MAN2B2: variants seen among roughly 807,000 people sequenced by gnomAD.
The protein encoded by MAN2B2 is epididymis-specific alpha-mannosidase.
MAN2B2 carries 106 observed loss-of-function variants against 117.1 expected under a neutral mutation model. The observed-to-expected ratio is 0.90, with a 90% CI of 0.77 to 1.06. MAN2B2 has a LOEUF of 1.06. MAN2B2 is among the 50% of genes least tolerant of loss of function. The probability of loss-of-function intolerance (pLI) is 0.00; values close to 1 mark genes in which losing one functional copy is unlikely to be tolerated. For missense variants in MAN2B2, 1,326 were observed against 1,381.4 expected (o/e 0.96, Z 0.64); for synonymous variants, 544 against 595.1 (o/e 0.91, Z 1.25).
chr4:6,614,185 AC>A (rs1711736773), intron 15 of MAN2B2, 32 bp from the exon 16 acceptor site: 1 of 1,606,066 alleles, frequency 6.2e-7, no homozygotes, highest in Non-Finnish European at 8.5e-7. Context: ...TGAGCCCCAA[AC>A]CCTCTCCTCA....
At position 6,597,252 on chromosome 4, in the gene MAN2B2, C is replaced by A; in HGVS notation, c.1197C>A (p.Asp399Glu). The A allele has an allele frequency of 6.2e-7, 1 of 1,600,140 alleles. No homozygotes were observed. Among genetic ancestry groups the A allele is most frequent in the Non-Finnish European group, 8.5e-7 (1 of 1,172,270 alleles). Reference protein sequence around the residue: ...YLWPAPRGHLDPTWALQQLQQ... With the variant: ...YLWPAPRGHLEPTWALQQLQQ... ...GGCCGGCCCCCCGTGGGCATCTGGACCCCACCTGGGCCCTGCAGCAGCTCC... is the reference window on the plus strand; with the variant it reads ...GGCCGGCCCCCCGTGGGCATCTGGAACCCACCTGGGCCCTGCAGCAGCTCC... Residue 399 changes from aspartate to glutamate, a missense_variant, in exon 8 of 19, where the codon GAC (aspartate) becomes GAA (glutamate). Physicochemically the swap from Asp to Glu is conservative, Grantham distance 45 (BLOSUM62 2). Coordinates refer to ENST00000285599, the MANE Select transcript of MAN2B2 (RefSeq NM_015274.3).
Position 6,622,391 on chromosome 4 carries a change from T to G in MAN2B2, c.*1106T>G, listed in dbSNP as rs1363053158. 1 of 152,158 alleles carries G rather than the reference T, an allele frequency of 6.6e-6. No homozygotes were observed. Among genetic ancestry groups the G allele is most frequent in the Non-Finnish European group, 1.5e-5 (1 of 68,030 alleles). The allele number at this position is 152,158 out of a possible 1,614,324, so 9.4% of individuals were successfully genotyped here. A position where few individuals can be genotyped will look rare whatever the true frequency, so the allele number is the denominator to read the frequency against. ...TACTAGAAACCAATGAATTAAAAAC[T>G]TTGGAAGATGAATTTTATGGTCTGT... On this transcript the variant is annotated 3_prime_UTR_variant, in exon 19 of 19. Transcript: ENST00000285599.
chr4:6,620,021 G>A lies in MAN2B2; in HGVS notation c.2909G>A (p.Arg970Lys), dbSNP rs1712088208. 6.2e-7 allele frequency: 1 copy of A among 1,613,152 alleles called. No individual in the cohort carries two copies. The change falls in exon 18 of 19, where the codon AGG becomes AAG. Residue 970 changes from arginine to lysine, a missense_variant. Transcript: ENST00000285599. ...AGCATGCTGCACCGCTGGAGCTGGAGGACGGGGCCTGGCCGCCACAGAGGT... is the reference window on the plus strand; with the variant it reads ...AGCATGCTGCACCGCTGGAGCTGGAAGACGGGGCCTGGCCGCCACAGAGGT... Reference protein sequence around the residue: ...DLSMLHRWSWRTGPGRHRGDT... With the variant: ...DLSMLHRWSWKTGPGRHRGDT...
At chr4:6,598,152 G>A in intron 8 of MAN2B2, 46 bp from the exon 9 acceptor site, 1 of 1,594,086 alleles carries the variant, frequency 6.3e-7, no homozygotes, top group Non-Finnish European at 8.6e-7. Context: ...GCTTTGCAGA[G>A]TCAGGTCCTG....
intron 3 of MAN2B2, 103 bp from the exon 4 acceptor site, chr4:6,586,893 G>A: frequency 9.6e-7 from 1 of 1,038,910 alleles, no homozygotes; most frequent in Non-Finnish European, 1.4e-6. Context: ...CCAGTAGCTG[G>A]CACTGCAACC....
chr4:6,597,313 C>T lies in MAN2B2; in HGVS notation c.1248+10C>T. 1 of 1,525,254 alleles carries T rather than the reference C, an allele frequency of 6.6e-7. No homozygotes were observed. Among genetic ancestry groups the T allele is most frequent in the South Asian group, 1.3e-5 (1 of 78,556 alleles). The allele number at this position is 1,525,254 out of a possible 1,614,324, so 94.5% of individuals were successfully genotyped here. On this transcript the variant is annotated intron_variant, in intron 8 of 18. Coordinates refer to ENST00000285599, the MANE Select transcript of MAN2B2 (RefSeq NM_015274.3). Reference sequence around the variant, plus strand: ...CTGGGCCGTCTCCGAGGTAACACCACATTTAGCCACAGTGGCAGGATTGGA... The same window carrying T: ...CTGGGCCGTCTCCGAGGTAACACCATATTTAGCCACAGTGGCAGGATTGGA...
At chr4:6,599,479 G>A (rs541752438) in intron 9 of MAN2B2, among the ~76,000 whole-genome samples, 4 of 151,898 alleles carry the variant, frequency 2.6e-5, no homozygotes, top group East Asian at 3.9e-4. Flanking sequence ...TGGCTAACAC[G>A]GTGAAAACCT....
rs1017247266 is a variant in MAN2B2 at position 6,609,143 on chromosome 4, C to A, written c.1851C>A (p.Phe617Leu). 3 of 1,614,172 alleles carry A rather than the reference C, an allele frequency of 1.9e-6. No individual in the cohort carries two copies. The East Asian group carries it at 6.7e-5, about 36-fold the overall frequency. The stretch of plus-strand genomic sequence containing the variant: ...GAACGGTGCGCGTGACCCAGGAATT[C>A]CTGGAGTACCACGTCAACGGGGATG... ...SNRTVRVTQE[F>L]LEYHVNGDVK... Residue 617 changes from phenylalanine (F) to leucine (L), a missense_variant, in exon 12 of 19, where the codon TTC becomes TTA. Coordinates refer to ENST00000285599, the MANE Select transcript of MAN2B2 (RefSeq NM_015274.3).
Position 6,614,332 on chromosome 4 carries a change from A to C in MAN2B2, c.2678A>C (p.Glu893Ala). Residue 893 changes from glutamate to alanine, a missense_variant, in exon 16 of 19, where the codon GAG becomes GCG. By Grantham distance (107) the Glu-to-Ala change is moderately radical. Coordinates refer to ENST00000285599, the MANE Select transcript of MAN2B2 (RefSeq NM_015274.3). ...PGWRYSSNHT[E>A]HSQNLRKGHR... ...TGGCGCTACAGCTCCAACCACACGG[A>C]GCACTCTCAGAATCTCCGGAAAGGT... 1 of 1,614,052 alleles carries C rather than the reference A, an allele frequency of 6.2e-7. No individual in the cohort carries two copies. Among genetic ancestry groups the C allele is most frequent in the South Asian group, 1.1e-5 (1 of 91,076 alleles).
In MAN2B2 at chr4:6,597,301, G is replaced by T; in HGVS notation, c.1246G>T (p.Glu416Ter). The T allele has an allele frequency of 6.5e-7, 1 of 1,539,936 alleles. No individual in the cohort carries two copies. Among genetic ancestry groups the T allele is most frequent in the Non-Finnish European group, 8.8e-7 (1 of 1,142,426 alleles). The change falls in exon 8 of 19, where the codon GAG (glutamate) becomes TAG (stop). Residue 416 changes from glutamate (E) to a stop codon, truncating the protein, a stop_gained and splice_region_variant. Transcript: ENST00000285599. LOFTEE classifies it high-confidence loss of function. ...QLQQLRWAVS[E>*]VQHHDAITGT... ...CCAGCAGCTTCGCTGGGCCGTCTCC[G>T]AGGTAACACCACATTTAGCCACAGT...
chr4:6,594,880 G>T, intron 7 of MAN2B2, 148 bp downstream of exon 7: 1 of 780,416 alleles, frequency 1.3e-6, no homozygotes, highest in South Asian at 1.7e-5. Context: ...CAGGGGCAGA[G>T]ACTGACCCTC....
chr4:6,576,531 C>T, intron 1 of MAN2B2, 47 bp from the exon 2 acceptor site: 1 of 1,592,930 alleles, frequency 6.3e-7, no homozygotes, highest in East Asian at 2.3e-5. Flanking sequence ...CCCAGGGACA[C>T]TTGGTCTTGT....
At position 6,609,805 on chromosome 4, in the gene MAN2B2, A is replaced by T; in HGVS notation, c.2014A>T (p.Thr672Ser). Residue 672 changes from threonine (T) to serine (S), a missense_variant, in exon 13 of 19, where the codon ACA becomes TCA. Transcript: ENST00000285599. ...TGCTCCCTTCTCCTCCAGGAACATG[A>T]CAGCACAGAATTACACGTATGCAAT... Reference protein sequence around the residue: ...EIRQYFYRNMTAQNYTYAIRS... With the variant: ...EIRQYFYRNMSAQNYTYAIRS... 6.2e-7 allele frequency: 1 copy of T among 1,613,404 alleles called. No homozygotes were observed. Among genetic ancestry groups the T allele is most frequent in the Non-Finnish European group, 8.5e-7 (1 of 1,179,598 alleles).
rs114425921 is a variant in MAN2B2 at position 6,587,296 on chromosome 4, G to A, written c.564+128G>A. On this transcript the variant is annotated intron_variant, in intron 4 of 18. Transcript: ENST00000285599. ...GAAATTCTTGGCAGCTGCATAGACC[G>A]CGGGGCTGTCCCCTAACCTTTGCTC... 3.4e-3 allele frequency: 3,925 copies of A among 1,159,602 alleles called. 93 individuals are homozygous for A. The African/African-American group carries it at 0.053, about 16-fold the overall frequency. 71.8% of individuals were successfully genotyped at this position (1,159,602 alleles called of 1,614,324 possible).
chr4:6,579,318 A>AGCG (rs1726305269), intron 3 of MAN2B2, among the ~76,000 whole-genome samples: 1 of 110,428 alleles, frequency 9.1e-6, no homozygotes. Context: ...CACCACCACC[A>AGCG]TCACCACCAC....
chr4:6,620,555 TGC>T, intron 18 of MAN2B2: 1 of 174,212 alleles, frequency 5.7e-6, no homozygotes, highest in Non-Finnish European at 1.2e-5. Flanking sequence ...CCAGGCCAAG[TGC>T]CTCCTCCACT....
At chr4:6,616,817 G>A (rs943444090) in intron 16 of MAN2B2, among the ~76,000 whole-genome samples, 1 of 152,180 alleles carries the variant, frequency 6.6e-6, no homozygotes, top group African/African-American at 2.4e-5. Flanking sequence ...CCGCGCACCA[G>A]CTGTATGCCT....
At chr4:6,575,486 T>TTGAC in intron 1 of MAN2B2, 138 bp downstream of exon 1, 1 of 563,400 alleles carries the variant, frequency 1.8e-6, no homozygotes, top group South Asian at 2.9e-5. Flanking sequence ...CACGCTGCCA[T>TTGAC]TGACTGGTTG....
chr4:6,605,029 C>CA (rs745502854), intron 10 of MAN2B2, 26 bp from the exon 11 acceptor site: 36 of 1,596,880 alleles, frequency 2.3e-5, no homozygotes, highest in Non-Finnish European at 3.0e-5. Context: ...TGACAGTTAA[C>CA]AAGTCTCATC....
Sources: allele counts gnomAD v4.1 joint callset (sites outside exome capture counted in the v4.1 genomes callset), GRCh38; gene constraint gnomAD v4.1.1; transcripts MANE v1.5; gene names NCBI Gene and HGNC (gene_info 2026-07-23, HGNC 2026-07-21).